The following EXOC6B variants were observed in gnomAD, a reference collection of about 807,000 sequenced individuals.
The protein encoded by EXOC6B is SEC15 homolog B.
In EXOC6B, 54 loss-of-function variants were observed where a neutral mutation model predicts 113.5. That is an observed-to-expected ratio of 0.48 (90% CI 0.38 to 0.60). The LOEUF is 0.60. Ranked by LOEUF, EXOC6B falls within the 20% of genes least tolerant of loss-of-function variation. The probability of loss-of-function intolerance (pLI) is 0.00; values close to 1 mark genes in which losing one functional copy is unlikely to be tolerated. For missense variants in EXOC6B, 797 were observed against 977.5 expected (o/e 0.82, Z 2.46); for synonymous variants, 357 against 339.0 (o/e 1.05, Z -0.58).
In EXOC6B at chr2:72,425,742, C is replaced by A. The variant is rs140159799; in HGVS notation, c.1980+39418G>T. Among the ~76,000 whole-genome samples the A allele has an allele frequency of 1.3e-5, 2 of 152,150 alleles. 1 individual carries two copies. The highest frequency in any genetic ancestry group is 3.9e-4 in the East Asian group (2 of 5,180). On this transcript the variant is annotated intron_variant, in intron 18 of 21. Transcript: ENST00000272427. ...CCAATCCTTCTAGATGGTAATTTTG[C>A]CATTTATGCATTCCTTCTTTTGATT...
chr2:72,526,741 A>G (rs937498815), intron 8 of EXOC6B, among the ~76,000 whole-genome samples: 3 of 152,064 alleles, frequency 2.0e-5, no homozygotes, highest in African/African-American at 7.2e-5. Context: ...GTGGATAAAT[A>G]TTAGATCTAT....
rs1275889039 is a variant in EXOC6B at position 72,265,514 on chromosome 2, T to C, written c.2196+69433A>G. Among the ~76,000 whole-genome samples the C allele has an allele frequency of 2.0e-5, 3 of 151,842 alleles. No individual in the cohort carries two copies. The East Asian group carries it at 5.8e-4, about 29-fold the overall frequency. The stretch of plus-strand genomic sequence containing the variant: ...TGAGAACATGCAGTGTTTGGTTTTT[T>C]GTCCTTGCGATAGTTTACTGAGAAT... On this transcript the variant is annotated intron_variant, in intron 20 of 21. Transcript: ENST00000272427.
intron 19 of EXOC6B, among the ~76,000 whole-genome samples, chr2:72,354,060 T>C (rs914388577): frequency 6.6e-6 from 1 of 152,172 alleles, no homozygotes; most frequent in African/African-American, 2.4e-5. Flanking sequence ...GAAAATGGTC[T>C]TTTAGAAACT....
At chr2:72,571,029 C>A (rs1704482280) in intron 7 of EXOC6B, among the ~76,000 whole-genome samples, 1 of 152,164 alleles carries the variant, frequency 6.6e-6, no homozygotes, top group Admixed American at 6.5e-5. Context: ...CCCTCCTTCT[C>A]AAAACTAATA....
intron 19 of EXOC6B, among the ~76,000 whole-genome samples, chr2:72,350,650 G>A (rs1445826473): frequency 3.3e-5 from 5 of 152,178 alleles, no homozygotes; most frequent in African/African-American, 1.2e-4. Context: ...CCTTAAGCTG[G>A]TAGTTATTAC....
intron 1 of EXOC6B, among the ~76,000 whole-genome samples, chr2:72,781,949 G>A (rs1573787605): frequency 6.6e-6 from 1 of 151,784 alleles, no homozygotes; most frequent in Non-Finnish European, 1.5e-5. Context: ...GACAAGCCTG[G>A]CCAACATGGT....
chr2:72,334,401 A>T (rs1279195720), intron 20 of EXOC6B, among the ~76,000 whole-genome samples: 2 of 152,062 alleles, frequency 1.3e-5, no homozygotes, highest in East Asian at 3.9e-4. Flanking sequence ...GGCCTTTTCT[A>T]ATCATCTTCA....
At chr2:72,282,867 C>T (rs1685213644) in intron 20 of EXOC6B, among the ~76,000 whole-genome samples, 1 of 152,020 alleles carries the variant, frequency 6.6e-6, no homozygotes, top group Non-Finnish European at 1.5e-5. Context: ...TGCAACAATC[C>T]TAAATTTATA....
At chr2:72,545,993 C>T (rs1439363110) in intron 8 of EXOC6B, among the ~76,000 whole-genome samples, 1 of 152,146 alleles carries the variant, frequency 6.6e-6, no homozygotes, top group Admixed American at 6.5e-5. Flanking sequence ...TTGCTATTAT[C>T]TTTGGTTACA....
At chr2:72,436,500 C>G (rs1324316803) in intron 18 of EXOC6B, among the ~76,000 whole-genome samples, 1 of 152,172 alleles carries the variant, frequency 6.6e-6, no homozygotes, top group Non-Finnish European at 1.5e-5. Context: ...TGTTTTCCAA[C>G]TTGGTTCCAT....
intron 20 of EXOC6B, chr2:72,289,081 A>C (rs1280014575): frequency 3.3e-6 from 1 of 298,754 alleles, no homozygotes; most frequent in Non-Finnish European, 6.3e-6. Context: ...AGATGAAAAC[A>C]CACAGGAGGG....
intron 20 of EXOC6B, among the ~76,000 whole-genome samples, chr2:72,201,896 C>T (rs776500094): frequency 2.6e-5 from 4 of 152,108 alleles, no homozygotes; most frequent in Non-Finnish European, 4.4e-5. Flanking sequence ...TTGAATTCAG[C>T]TAAGTGCCCA....
intron 16 of EXOC6B, 102 bp from the exon 17 acceptor site, chr2:72,480,852 G>C: frequency 8.5e-7 from 1 of 1,183,412 alleles, no homozygotes; most frequent in Non-Finnish European, 1.2e-6. Flanking sequence ...AGGCATAATG[G>C]AAAAGGCCAT....
chr2:72,677,854 A>G (rs1486736226), intron 6 of EXOC6B, among the ~76,000 whole-genome samples: 1 of 152,228 alleles, frequency 6.6e-6, no homozygotes, highest in Non-Finnish European at 1.5e-5. Context: ...GAAAATACAA[A>G]ATAAAAAGAT....
At chr2:72,656,629 C>T (rs546543775) in intron 6 of EXOC6B, among the ~76,000 whole-genome samples, 1 of 152,122 alleles carries the variant, frequency 6.6e-6, no homozygotes, top group South Asian at 2.1e-4. Flanking sequence ...AAAGCTCCCC[C>T]CTTATTGAGT....
chr2:72,594,225 T>C (rs1357229877), intron 6 of EXOC6B, among the ~76,000 whole-genome samples: 1 of 152,142 alleles, frequency 6.6e-6, no homozygotes, highest in Non-Finnish European at 1.5e-5. Context: ...TCAAGCAATC[T>C]TCCCACCCTG....
At chr2:72,818,897 C>A (rs751912595) in intron 1 of EXOC6B, among the ~76,000 whole-genome samples, 1 of 152,122 alleles carries the variant, frequency 6.6e-6, no homozygotes, top group Non-Finnish European at 1.5e-5. Flanking sequence ...CCAAAGCTAC[C>A]TTTCCTAATC....
chr2:72,214,030 G>T (rs1289326524), intron 20 of EXOC6B, among the ~76,000 whole-genome samples: 1 of 152,120 alleles, frequency 6.6e-6, no homozygotes, highest in Non-Finnish European at 1.5e-5. Flanking sequence ...GTTTAAGAAG[G>T]TGCTCCACTG....
chr2:72,469,927 T>G (rs1698292340), intron 17 of EXOC6B, among the ~76,000 whole-genome samples: 1 of 152,150 alleles, frequency 6.6e-6, no homozygotes, highest in African/African-American at 2.4e-5. Flanking sequence ...TTTCCATCTT[T>G]GATCTTCTAA....
Sources: gnomAD v4.1 joint callset for allele counts (sites outside exome capture counted in the v4.1 genomes callset) on GRCh38, gnomAD v4.1.1 for gene constraint, MANE v1.5 for transcripts, NCBI Gene and HGNC (gene_info 2026-07-23, HGNC 2026-07-21) for gene names.